Variants in MPPED1 observed in about 807,000 individuals in gnomAD.
The protein encoded by MPPED1 is metallophosphoesterase domain containing 1, also known as metallophosphoesterase domain-containing protein 1.
In MPPED1, 16 loss-of-function variants were observed where a neutral mutation model predicts 36.2. That is an observed-to-expected ratio of 0.44 (90% CI 0.30 to 0.67). MPPED1 has a LOEUF of 0.67. Among genes scored for constraint, MPPED1 ranks in the 30% least tolerant of loss-of-function variants. MPPED1 has a pLI of 0.10. For synonymous variants in MPPED1, 199 were observed against 191.3 expected, an observed-to-expected ratio of 1.04 and a Z score of -0.33; for missense variants, 307 against 453.4, an observed-to-expected ratio of 0.68 and a Z score of 2.93.
chr22:43,470,536 T>C (rs1931339375), intron 3 of MPPED1, among the ~76,000 whole-genome samples: 1 of 152,206 alleles, frequency 6.6e-6, no homozygotes, highest in Non-Finnish European at 1.5e-5. Flanking sequence ...CATGCATCCA[T>C]CTATCCATGT....
At chr22:43,429,361 C>G (rs1929593344) in intron 2 of MPPED1, among the ~76,000 whole-genome samples, 1 of 152,210 alleles carries the variant, frequency 6.6e-6, no homozygotes, top group African/African-American at 2.4e-5. Flanking sequence ...GGGGAGGACT[C>G]ACACCCCGGC....
intron 1 of MPPED1, among the ~76,000 whole-genome samples, chr22:43,413,396 T>A (rs113242488): frequency 0.13 from 14,844 of 116,880 alleles, 1,031 homozygotes; most frequent in Non-Finnish European, 0.16. Flanking sequence ...AAAAAAAAAA[T>A]TAAACCAACT....
intron 3 of MPPED1, among the ~76,000 whole-genome samples, chr22:43,445,880 A>ATTTT (rs78165973): frequency 0.02 from 2,479 of 125,732 alleles, 267 homozygotes; most frequent in African/African-American, 0.081. Context: ...TGGTGTTTAC[A>ATTTT]TTTTCTTTTT....
At chr22:43,469,761 G>C (rs1050533600) in intron 3 of MPPED1, among the ~76,000 whole-genome samples, 3 of 152,150 alleles carry the variant, frequency 2.0e-5, no homozygotes, top group Non-Finnish European at 1.5e-5. Context: ...GCGACACAGA[G>C]GTCAGTTGGT....
chr22:43,421,029 A>G (rs1022060479), intron 1 of MPPED1, among the ~76,000 whole-genome samples: 1 of 152,198 alleles, frequency 6.6e-6, no homozygotes, highest in African/African-American at 2.4e-5. Flanking sequence ...AGGATGCATG[A>G]CTTGCTTAAG....
intron 3 of MPPED1, among the ~76,000 whole-genome samples, chr22:43,458,186 G>T (rs1930821283): frequency 6.6e-6 from 1 of 152,136 alleles, no homozygotes; most frequent in African/African-American, 2.4e-5. Context: ...TTCTCGGAAT[G>T]CATCTCTGTC....
At chr22:43,495,161 AG>A (rs1486305394) in intron 4 of MPPED1, among the ~76,000 whole-genome samples, 2 of 121,672 alleles carry the variant, frequency 1.6e-5, no homozygotes, top group Non-Finnish European at 3.5e-5. Flanking sequence ...AGGTGCTGGT[AG>A]TGATGACAGA....
intron 3 of MPPED1, among the ~76,000 whole-genome samples, chr22:43,446,455 A>G (rs1469377198): frequency 6.6e-6 from 1 of 152,106 alleles, no homozygotes; most frequent in African/African-American, 2.4e-5. Flanking sequence ...CCCTCTGCTG[A>G]GGGGATGTTT....
rs1932752299 is a variant in MPPED1, at chr22:43,502,237, G to A, written c.749-407G>A. ...CGCCCTGCTCTGCAACTAACCACCA[G>A]GGTGCCTGCCCTTGGGACTCACCCG... On this transcript the variant is annotated intron_variant, in intron 5 of 6. Transcript: ENST00000443721. The surrounding 1 kb of genome is among the most constrained non-coding windows in gnomAD (Gnocchi z 5.5). Among the ~76,000 whole-genome samples the A allele has an allele frequency of 6.6e-6, 1 of 152,096 alleles. No individual in the cohort carries two copies. The highest frequency in any genetic ancestry group is 1.5e-5 in the Non-Finnish European group (1 of 68,024).
At chr22:43,447,876 TATATA>T (rs1453246290) in intron 3 of MPPED1, among the ~76,000 whole-genome samples, 1 of 31,742 alleles carries the variant, frequency 3.2e-5, no homozygotes, top group African/African-American at 1.9e-4. Flanking sequence ...TATATATATA[TATATA>T]TATTTTTTTT....
chr22:43,415,300 G>T (rs1035219656), intron 1 of MPPED1, among the ~76,000 whole-genome samples: 1 of 150,658 alleles, frequency 6.6e-6, no homozygotes, highest in Non-Finnish European at 1.5e-5. Context: ...CTTTTTGGGG[G>T]TGGTATTGGA....
intron 3 of MPPED1, among the ~76,000 whole-genome samples, chr22:43,450,927 T>G (rs1930543110): frequency 6.6e-6 from 1 of 151,942 alleles, no homozygotes; most frequent in African/African-American, 2.4e-5. Flanking sequence ...GGTTTCTCCA[T>G]GTTGGTCAGG....
rs191997877 is a variant in MPPED1, at chr22:43,492,655, C to A, written c.633-5580C>A. On this transcript the variant is annotated intron_variant, in intron 4 of 6. Transcript: ENST00000443721. ...GCACAACCCAGAAAGCACAGCCAGT[C>A]TCATTCCCCAGGCCCCCACCTGTGC... is the stretch of plus-strand genomic sequence containing the variant. 3.1e-3 allele frequency among the ~76,000 whole-genome samples: 474 copies of A among 152,320 alleles called. 2 individuals carry two copies. Among genetic ancestry groups the A allele is most frequent in the Non-Finnish European group, 4.9e-3 (334 of 68,030 alleles).
At chr22:43,453,898 C>A (rs1930660905) in intron 3 of MPPED1, among the ~76,000 whole-genome samples, 1 of 152,100 alleles carries the variant, frequency 6.6e-6, no homozygotes, top group South Asian at 2.1e-4. Context: ...CTCTCTGGAA[C>A]TTTTTTGTCT....
At chr22:43,454,896 A>T (rs978280423) in intron 3 of MPPED1, among the ~76,000 whole-genome samples, 1 of 152,140 alleles carries the variant, frequency 6.6e-6, no homozygotes, top group Non-Finnish European at 1.5e-5. Flanking sequence ...CATCTTCTGC[A>T]TTGATACTGT....
intron 3 of MPPED1, among the ~76,000 whole-genome samples, chr22:43,459,991 G>T (rs924314202): frequency 6.6e-6 from 1 of 151,752 alleles, no homozygotes; most frequent in Non-Finnish European, 1.5e-5. Context: ...AGTGGATCAC[G>T]AGGTCAAGAG....
In MPPED1 at chr22:43,460,139, G is replaced by A. The variant is rs1019758474; in HGVS notation, c.407-14597G>A. Among the ~76,000 whole-genome samples, 16 of 152,084 alleles carry A rather than the reference G, an allele frequency of 1.1e-4. No homozygotes were observed. In the East Asian group the frequency reaches 2.7e-3, roughly 26 times the overall value. On this transcript the variant is annotated intron_variant, in intron 3 of 6. Coordinates refer to ENST00000443721, the MANE Select transcript of MPPED1 (RefSeq NM_001044370.2). ...GAAGATTTGCTTGAACCTGGGAGGC[G>A]GAGGTTGCAGTGAGCCAAGATTGCG...
chr22:43,487,544 A>G (rs1330751189), intron 4 of MPPED1, among the ~76,000 whole-genome samples: 1 of 152,174 alleles, frequency 6.6e-6, no homozygotes, highest in African/African-American at 2.4e-5. Context: ...GACATGCAGT[A>G]AATGTGTGGG....
chr22:43,458,447 G>A (rs951449277), intron 3 of MPPED1, among the ~76,000 whole-genome samples: 9 of 151,920 alleles, frequency 5.9e-5, no homozygotes, highest in Non-Finnish European at 7.4e-5. Context: ...CACCACACCC[G>A]GCTAATTTTT....
Sources: gnomAD v4.1 joint callset for allele counts (sites outside exome capture counted in the v4.1 genomes callset) on GRCh38, gnomAD v4.1.1 for gene constraint, Gnocchi (gnomAD v3.1) non-coding constraint, MANE v1.5 for transcripts, NCBI Gene and HGNC (gene_info 2026-07-23, HGNC 2026-07-21) for gene names.